LSS: variants seen among roughly 807,000 people sequenced by gnomAD.
LSS encodes the protein lanosterol synthase, also known as 2,3-epoxysqualene-lanosterol cyclase.
Under a neutral mutation model 110.3 loss-of-function variants are expected in LSS, and 90 were observed. The observed-to-expected ratio is 0.82, with a 90% confidence interval of 0.69 to 0.97. The LOEUF (loss-of-function observed/expected upper bound fraction) is 0.97. Ranked by LOEUF, LSS falls within the 50% of genes least tolerant of loss-of-function variation. LSS has a pLI of 0.00. For synonymous variants in LSS, 433 were observed against 400.0 expected (o/e 1.08, Z -0.98); for missense variants, 927 against 990.0 (o/e 0.94, Z 0.85).
chr21:46,207,506 A>T lies in LSS; in HGVS notation c.1389T>A (p.Ala463=). 1 of 1,612,540 alleles carries T rather than the reference A, an allele frequency of 6.2e-7. No homozygotes were observed. Among genetic ancestry groups the T allele is most frequent in the South Asian group, 1.1e-5 (1 of 90,722 alleles). The part of the protein sequence containing the change: ...VSDCTAEALK[A]VLLLQEKCPH... ...GACACTTCTCCTGCAGGAGCAGCAC[A>T]GCCTTCAAGGCCTCAGCCGTGCAGT... Residue 463 remains alanine, a synonymous_variant, in exon 15 of 22, where the codon GCT becomes GCA. Transcript: ENST00000397728.
intron 3 of LSS, among the ~76,000 whole-genome samples, chr21:46,227,134 T>A (rs988835423): frequency 1.3e-5 from 2 of 152,234 alleles, no homozygotes; most frequent in Non-Finnish European, 2.9e-5. Context: ...CTCACCAGCC[T>A]GAACCTGAAG....
chr21:46,206,521 G>C, intron 16 of LSS, 151 bp downstream of exon 16: 1 of 684,582 alleles, frequency 1.5e-6, no homozygotes, highest in South Asian at 1.7e-5. Flanking sequence ...GCGCAGAACA[G>C]CCTGGGCTGA....
At chr21:46,214,944 C>T (rs1025482245) in intron 9 of LSS, among the ~76,000 whole-genome samples, 1 of 150,846 alleles carries the variant, frequency 6.6e-6, no homozygotes, top group Non-Finnish European at 1.5e-5. Context: ...GGACAAGAGC[C>T]GGTGGGGGAC....
At chr21:46,197,895 A>C (rs1250173051) in intron 17 of LSS, among the ~76,000 whole-genome samples, 4 of 152,008 alleles carry the variant, frequency 2.6e-5, no homozygotes, top group Admixed American at 6.5e-5. Flanking sequence ...AAAAAAAAAA[A>C]ACAAAAAACA....
chr21:46,221,772 C>T, intron 5 of LSS, 82 bp downstream of exon 5: 1 of 1,590,534 alleles, frequency 6.3e-7, no homozygotes, highest in Non-Finnish European at 8.6e-7. Flanking sequence ...GCTGCAAGTG[C>T]ATCTTTCTGT....
chr21:46,202,859 A>AGC (rs1255576939), intron 17 of LSS, among the ~76,000 whole-genome samples: 1 of 152,242 alleles, frequency 6.6e-6, no homozygotes, highest in African/African-American at 2.4e-5. Context: ...CCTAGGTAAC[A>AGC]GAGTGAGACC....
At chr21:46,193,970 G>A (rs1398159876) in intron 20 of LSS, among the ~76,000 whole-genome samples, 2 of 152,074 alleles carry the variant, frequency 1.3e-5, no homozygotes, top group Admixed American at 6.5e-5. Context: ...GTGTGGGCAT[G>A]CGTACGTGTG....
chr21:46,192,465 A>C, intron 20 of LSS: 1 of 453,740 alleles, frequency 2.2e-6, no homozygotes, highest in African/African-American at 2.0e-5. Flanking sequence ...GATTCCCCAA[A>C]TGGCCACAAA....
chr21:46,202,656 G>A (rs973363811), intron 17 of LSS, among the ~76,000 whole-genome samples: 1 of 152,162 alleles, frequency 6.6e-6, no homozygotes, highest in African/African-American at 2.4e-5. Context: ...GGCCGAGGTG[G>A]GAGGATTGCT....
chr21:46,204,703 A>C (rs1471816325), intron 17 of LSS, among the ~76,000 whole-genome samples: 2 of 152,212 alleles, frequency 1.3e-5, no homozygotes. Flanking sequence ...CTCCAGGCCC[A>C]ACTGGCATTT....
At position 46,207,562 on chromosome 21, in the gene LSS, T is replaced by G; in HGVS notation, c.1333A>C (p.Ser445Arg). 1 of 1,608,312 alleles carries G rather than the reference T, an allele frequency of 6.2e-7. No homozygotes were observed. The highest frequency in any genetic ancestry group is 8.5e-7 in the Non-Finnish European group (1 of 1,177,978). ...RQMRKGGFSF[S>R]TLDCGWIVSD... ...ACGATCCAGCCGCAGTCCAGCGTACTGAAGGAGAAGCCACCCTGCAGAGCA... is the reference window on the plus strand; with the variant it reads ...ACGATCCAGCCGCAGTCCAGCGTACGGAAGGAGAAGCCACCCTGCAGAGCA... The change falls in exon 15 of 22, where the codon AGT becomes CGT. Residue 445 changes from serine (S) to arginine (R), a missense_variant. Ser to Arg is a moderately radical substitution (Grantham distance 110). Coordinates refer to ENST00000397728, the MANE Select transcript of LSS (RefSeq NM_002340.6).
At position 46,190,815 on chromosome 21, in the gene LSS, A is replaced by G. The variant is rs1296736822; in HGVS notation, c.*289T>C. On this transcript the variant is annotated 3_prime_UTR_variant, in exon 22 of 22. Coordinates refer to ENST00000397728, the MANE Select transcript of LSS (RefSeq NM_002340.6). The surrounding 1 kb of genome is among the most constrained non-coding windows in gnomAD (Gnocchi z 4.6). ...CTCACTACCTTGAGGCCGTGCCCAG[A>G]GGTGGCAGAAGGCGCTGTGCCTCCT... The G allele has an allele frequency of 2.3e-6, 1 of 434,338 alleles. No individual in the cohort carries two copies. Among genetic ancestry groups the G allele is most frequent in the Admixed American group, 3.5e-5 (1 of 28,180 alleles). 26.9% of individuals were successfully genotyped at this position (434,338 alleles called of 1,614,324 possible).
chr21:46,194,351 T>G (rs888341815), intron 20 of LSS, 140 bp downstream of exon 20: 99 of 998,132 alleles, frequency 9.9e-5, no homozygotes, highest in Middle Eastern at 3.2e-4. Flanking sequence ...CTTGTAGGTG[T>G]CTGTTCCCAG....
chr21:46,224,641 G>C (rs1217109940), intron 3 of LSS: 2 of 152,222 alleles, frequency 1.3e-5, no homozygotes, highest in Middle Eastern at 3.2e-3. Flanking sequence ...GCATCTTCCT[G>C]ATTTTACAGG....
chr21:46,222,580 G>A, intron 4 of LSS, 50 bp downstream of exon 4: 1 of 1,524,582 alleles, frequency 6.6e-7, no homozygotes, highest in Non-Finnish European at 9.0e-7. Context: ...CCTACATCAT[G>A]AGAACACACA....
chr21:46,211,030 G>A (rs1010664583), intron 11 of LSS, among the ~76,000 whole-genome samples: 1 of 152,208 alleles, frequency 6.6e-6, no homozygotes, highest in African/African-American at 2.4e-5. Context: ...AGGACTGGAC[G>A]ATCCCTTAGA....
At chr21:46,206,924 C>T (rs1321411194) in intron 15 of LSS, among the ~76,000 whole-genome samples, 156 bp from the exon 16 acceptor site, 2 of 152,114 alleles carry the variant, frequency 1.3e-5, no homozygotes, top group Admixed American at 6.5e-5. Context: ...ACCAAGCCCT[C>T]GGGTGCCCCA....
intron 6 of LSS, among the ~76,000 whole-genome samples, chr21:46,217,803 T>C (rs1197596930): frequency 6.6e-6 from 1 of 152,204 alleles, no homozygotes; most frequent in Admixed American, 6.5e-5. Flanking sequence ...GTCTCAGTCC[T>C]TCCTCTGCCG....
rs372457825 is a variant in LSS, at chr21:46,216,421, C to T, written c.751G>A (p.Ala251Thr). ...SYCYAVRLSA[A>T]EDPLVQSLRQ... ...AGGCTCTGGACCAGCGGGTCTTCCG[C>T]GGCACTCAGCCGAACGGCGTAGCAG... The change falls in exon 7 of 22, where the codon GCG (alanine) becomes ACG (threonine). Residue 251 changes from alanine (A) to threonine (T), a missense_variant. Ala to Thr is a moderately conservative substitution (Grantham distance 58, BLOSUM62 0). Coordinates refer to ENST00000397728, the MANE Select transcript of LSS (RefSeq NM_002340.6). The surrounding 1 kb of genome is among the most constrained non-coding windows in gnomAD (Gnocchi z 4.2). 2.7e-5 allele frequency: 43 copies of T among 1,613,718 alleles called. No homozygotes were observed. Among genetic ancestry groups the T allele is most frequent in the South Asian group, 3.3e-5 (3 of 91,084 alleles).
Sources: gnomAD v4.1 joint callset for allele counts (sites outside exome capture counted in the v4.1 genomes callset) on GRCh38, gnomAD v4.1.1 for gene constraint, Gnocchi (gnomAD v3.1) non-coding constraint, MANE v1.5 for transcripts, NCBI Gene and HGNC (gene_info 2026-07-23, HGNC 2026-07-21) for gene names.